HEATR1: variants seen among roughly 807,000 people sequenced by gnomAD.
HEATR1 encodes HEAT repeat-containing protein 1.
In HEATR1, 77 loss-of-function variants were observed where a neutral mutation model predicts 248.2. The ratio of observed to expected loss-of-function variants is 0.31; its 90% CI spans 0.26 to 0.37. The LOEUF (loss-of-function observed/expected upper bound fraction) is 0.37, where lower values mean the gene tolerates loss of function less well. HEATR1 is among the 10% of genes least tolerant of loss of function. The pLI is 1.00. For synonymous variants in HEATR1, 897 were observed against 923.1 expected (o/e 0.97, Z 0.51); for missense variants, 2,420 against 2,504.9 (o/e 0.97, Z 0.72).
intron 6 of HEATR1, among the ~76,000 whole-genome samples, 183 bp from the exon 7 acceptor site, chr1:236,596,227 C>A (rs536973983): frequency 1.4e-4 from 21 of 152,232 alleles, no homozygotes. Context: ...AGAGATGAGA[C>A]AAGTCTGTTG....
intron 20 of HEATR1, 44 bp from the exon 21 acceptor site, chr1:236,576,993 C>T: frequency 6.8e-7 from 1 of 1,472,200 alleles, no homozygotes; most frequent in Non-Finnish European, 9.1e-7. Flanking sequence ...ATTTTAAAAA[C>T]TGAAACAGTA....
Position 236,574,698 on chromosome 1 carries a change from G to A in HEATR1, c.3290C>T (p.Ala1097Val), listed in dbSNP as rs778570394. 1.1e-5 allele frequency: 18 copies of A among 1,613,516 alleles called. No individual in the cohort carries two copies. Among genetic ancestry groups the A allele is most frequent in the Non-Finnish European group, 1.3e-5 (15 of 1,179,836 alleles). The change falls in exon 23 of 45, where the codon GCG becomes GTG. Residue 1097 changes from alanine (A) to valine (V), a missense_variant. By Grantham distance (64) the Ala-to-Val change is moderately conservative. Transcript: ENST00000366582. ...TGTGATCTGAATGGTTGGCATTCCC[G>A]CGTAAAGTTCCTTTGTTGTGTGCAC... ...KAVHTTKELY[A>V]GMPTIQITAL...
At chr1:236,599,732 G>A (rs552603770) in intron 3 of HEATR1, 108 bp from the exon 4 acceptor site, 13 of 1,021,800 alleles carry the variant, frequency 1.3e-5, no homozygotes, top group Middle Eastern at 2.2e-4. Context: ...AACCTAGAAC[G>A]AGTAGCAGTA....
At chr1:236,558,177 G>A in intron 36 of HEATR1, 60 bp downstream of exon 36, 2 of 1,474,420 alleles carry the variant, frequency 1.4e-6, no homozygotes, top group Non-Finnish European at 1.8e-6. Context: ...TCACCAAAGT[G>A]TTATTTTTCA....
At chr1:236,562,092 G>A (rs756784914) in intron 32 of HEATR1, among the ~76,000 whole-genome samples, 1 of 152,178 alleles carries the variant, frequency 6.6e-6, no homozygotes, top group Non-Finnish European at 1.5e-5. Context: ...TGGTACTAAC[G>A]ACTTCAACAG....
At chr1:236,555,522 A>G (rs1037045198) in intron 40 of HEATR1, 29 bp downstream of exon 40, 1 of 1,613,912 alleles carries the variant, frequency 6.2e-7, no homozygotes. Flanking sequence ...ATCTGAGCAC[A>G]AAAGAGAGGA....
intron 20 of HEATR1, among the ~76,000 whole-genome samples, chr1:236,579,931 A>G (rs1663664469): frequency 1.0e-5 from 1 of 97,392 alleles, no homozygotes. Flanking sequence ...TGGAATTAAA[A>G]AAAAAACAAC....
intron 32 of HEATR1, among the ~76,000 whole-genome samples, chr1:236,564,221 T>C (rs1387656366): frequency 6.6e-6 from 1 of 152,244 alleles, no homozygotes; most frequent in Non-Finnish European, 1.5e-5. Flanking sequence ...ATTATAAAGA[T>C]TCTTGTAGTT....
chr1:236,595,006 T>G (rs750835640), intron 8 of HEATR1, among the ~76,000 whole-genome samples: 1 of 152,124 alleles, frequency 6.6e-6, no homozygotes, highest in Non-Finnish European at 1.5e-5. Context: ...TGCCATGATC[T>G]GCCCATCTCA....
rs1196973999 is a variant in HEATR1 at position 236,585,008 on chromosome 1, G to A, written c.2241+17C>T. On this transcript the variant is annotated intron_variant, in intron 17 of 44. Transcript: ENST00000366582. ...TTTATTCAACATCCCACTTTCTGGA[G>A]ATTCTGCTTTCCTTACCACTGCAGT... 1 of 1,595,190 alleles carries A rather than the reference G, an allele frequency of 6.3e-7. No individual in the cohort carries two copies. The highest frequency in any genetic ancestry group is 8.5e-7 in the Non-Finnish European group (1 of 1,172,222).
chr1:236,591,417 C>G (rs1664035632), intron 11 of HEATR1, among the ~76,000 whole-genome samples: 1 of 151,906 alleles, frequency 6.6e-6, no homozygotes, highest in Non-Finnish European at 1.5e-5. Context: ...AAATGCAACA[C>G]CATTAAAAAT....
At position 236,572,481 on chromosome 1, in the gene HEATR1, A is replaced by C; in HGVS notation, c.3637T>G (p.Leu1213Val). ...CTGAGCTTCTTTTTGTGCTGCAGTA[A>C]TTCCAGGATGAGAGTTACTCTTTGC... ...YWQRVTLILE[L>V]LQHKKKLRSP... The change falls in exon 26 of 45, where the codon TTA (leucine) becomes GTA (valine). Residue 1213 changes from leucine to valine, a missense_variant. Transcript: ENST00000366582. 6.2e-7 allele frequency: 1 copy of C among 1,614,138 alleles called. No individual in the cohort carries two copies. The highest frequency in any genetic ancestry group is 8.5e-7 in the Non-Finnish European group (1 of 1,179,976).
chr1:236,565,213 G>A (rs74145391), intron 31 of HEATR1, among the ~76,000 whole-genome samples: 2,582 of 152,336 alleles, frequency 0.017, 16 homozygotes, highest in Middle Eastern at 0.075. Flanking sequence ...TGGCCACGCA[G>A]AAAACAGTCT....
chr1:236,581,425 A>T lies in HEATR1; in HGVS notation c.2563-11T>A. ...ATCTTCTAGATGCACCTAATTAAAA[A>T]AAAAAAAAAGCAAACTTTTAATTCT... On this transcript the variant is annotated splice_polypyrimidine_tract_variant and intron_variant, in intron 19 of 44. Transcript: ENST00000366582. The T allele has an allele frequency of 6.7e-7, 1 of 1,492,716 alleles. No individual in the cohort carries two copies. The highest frequency in any genetic ancestry group is 2.3e-5 in the East Asian group (1 of 42,590). The allele number at this position is 1,492,716 out of a possible 1,614,324, so 92.5% of individuals were successfully genotyped here. A position where few individuals can be genotyped will look rare whatever the true frequency, so the allele number is the denominator to read the frequency against.
chr1:236,559,608 T>C, intron 34 of HEATR1, 106 bp downstream of exon 34: 1 of 1,307,322 alleles, frequency 7.6e-7, no homozygotes, highest in Non-Finnish European at 1.0e-6. Flanking sequence ...CTTCATTATA[T>C]TCATAAAAGG....
At chr1:236,575,581 T>C (rs898977387) in intron 22 of HEATR1, among the ~76,000 whole-genome samples, 1 of 152,224 alleles carries the variant, frequency 6.6e-6, no homozygotes, top group African/African-American at 2.4e-5. Flanking sequence ...TGCAACCTGT[T>C]TGTTCCTACC....
rs956625027 is a variant in HEATR1, at chr1:236,574,716, G to C, written c.3272C>G (p.Thr1091Arg). The change falls in exon 23 of 45, where the codon ACA becomes AGA. Residue 1091 changes from threonine (T) to arginine (R), a missense_variant. Physicochemically the swap from Thr to Arg is moderately conservative, Grantham distance 71. Coordinates refer to ENST00000366582, the MANE Select transcript of HEATR1 (RefSeq NM_018072.6). ...SLDIFIKAVHTTKELYAGMPT... is the reference protein window; with the variant it reads ...SLDIFIKAVHRTKELYAGMPT... The stretch of plus-strand genomic sequence containing the variant: ...CATTCCCGCGTAAAGTTCCTTTGTT[G>C]TGTGCACAGCTTTTATAAATATATC... The C allele has an allele frequency of 6.2e-7, 1 of 1,613,748 alleles. No homozygotes were observed. The highest frequency in any genetic ancestry group is 1.3e-5 in the African/African-American group (1 of 74,952).
chr1:236,579,110 T>C (rs1558185926), intron 20 of HEATR1, among the ~76,000 whole-genome samples: 1 of 152,208 alleles, frequency 6.6e-6, no homozygotes, highest in Non-Finnish European at 1.5e-5. Context: ...GCAACCTTGA[T>C]CCAAAAATTC....
At chr1:236,581,981 A>G (rs1208040119) in intron 19 of HEATR1, among the ~76,000 whole-genome samples, 1 of 151,740 alleles carries the variant, frequency 6.6e-6, no homozygotes, top group Non-Finnish European at 1.5e-5. Context: ...CAACCTACCG[A>G]TTAGTATTGT....
Sources: allele counts gnomAD v4.1 joint callset (sites outside exome capture counted in the v4.1 genomes callset), GRCh38; gene constraint gnomAD v4.1.1; transcripts MANE v1.5; gene names NCBI Gene and HGNC (gene_info 2026-07-23, HGNC 2026-07-21).